The following SPEF2 variants were observed in gnomAD, a reference collection of about 807,000 sequenced individuals.
The protein encoded by SPEF2 is sperm flagellar and cilia associated 2, also known as sperm flagella and cilia-associated protein 2.
In SPEF2, 187 loss-of-function variants were observed where a neutral mutation model predicts 224.6. That is an observed-to-expected ratio of 0.83 (90% CI 0.74 to 0.94). The LOEUF (loss-of-function observed/expected upper bound fraction) is 0.94, where lower values mean the gene tolerates loss of function less well. Ranked by LOEUF, SPEF2 falls within the 40% of genes least tolerant of loss-of-function variation. The pLI, the probability that SPEF2 is intolerant of heterozygous loss-of-function variation, is 0.00. For missense variants in SPEF2, 2,170 were observed against 2,135.6 expected, an observed-to-expected ratio of 1.02 and a Z score of -0.32; for synonymous variants, 715 against 707.3, an observed-to-expected ratio of 1.01 and a Z score of -0.17.
intron 30 of SPEF2, among the ~76,000 whole-genome samples, chr5:35,779,930 T>C (rs756375585): frequency 6.6e-6 from 1 of 152,218 alleles, no homozygotes; most frequent in Non-Finnish European, 1.5e-5. Context: ...TGCACAGGCT[T>C]TTTTTATTCA....
intron 31 of SPEF2, 92 bp downstream of exon 31, chr5:35,792,538 T>C: frequency 1.0e-6 from 1 of 992,942 alleles, no homozygotes; most frequent in Non-Finnish European, 1.5e-6. Flanking sequence ...ACTTGCATAG[T>C]GTCTGACATT....
Position 35,649,286 on chromosome 5 carries a change from C to G in SPEF2, c.727-75C>G, listed in dbSNP as rs16902375. 62,217 of 1,252,086 alleles carry G rather than the reference C, an allele frequency of 0.05. 1,767 individuals are homozygous for G. The highest frequency in any genetic ancestry group is 0.061 in the African/African-American group (4,041 of 66,652). 77.6% of individuals were successfully genotyped at this position (1,252,086 alleles called of 1,614,324 possible). A position where few individuals can be genotyped will look rare whatever the true frequency, so the allele number is the denominator to read the frequency against. On this transcript the variant is annotated intron_variant, in intron 5 of 36. Transcript: ENST00000356031. Reference sequence around the variant, plus strand: ...TTAGTAGTACTTGTCACTTTATAAACTTGAATGAATGTGTAAATGAAGATT... The same window carrying G: ...TTAGTAGTACTTGTCACTTTATAAAGTTGAATGAATGTGTAAATGAAGATT...
At chr5:35,693,291 G>C (rs1399567051) in intron 12 of SPEF2, among the ~76,000 whole-genome samples, 1 of 152,158 alleles carries the variant, frequency 6.6e-6, no homozygotes, top group Non-Finnish European at 1.5e-5. Context: ...CAGAGGTAGA[G>C]GAGGACTCCT....
rs528870382 is a variant in SPEF2 at position 35,807,012 on chromosome 5, G to T, written c.5256+60G>T. 294 of 1,563,010 alleles carry T rather than the reference G, an allele frequency of 1.9e-4. 1 individual carries two copies. The highest frequency in any genetic ancestry group is 2.5e-4 in the Non-Finnish European group (287 of 1,159,798). On this transcript the variant is annotated intron_variant, in intron 35 of 36. Coordinates refer to ENST00000356031, the MANE Select transcript of SPEF2 (RefSeq NM_024867.4). ...ATTCTGAGCATATTTTTATGGAATT[G>T]CTCTCAAAATATATCATAGTATGAA...
At chr5:35,750,371 C>T (rs928482677) in intron 23 of SPEF2, among the ~76,000 whole-genome samples, 5 of 152,032 alleles carry the variant, frequency 3.3e-5, no homozygotes, top group African/African-American at 1.2e-4. Context: ...TTAAACCAAA[C>T]AACTTTTGCA....
At chr5:35,792,940 A>G (rs2361391) in intron 31 of SPEF2, among the ~76,000 whole-genome samples, 9,233 of 152,280 alleles carry the variant, frequency 0.061, 300 homozygotes, top group East Asian at 0.1. Flanking sequence ...GTAAGCAAAA[A>G]TCACAAATGT....
At chr5:35,736,514 A>G (rs1746623682) in intron 21 of SPEF2, among the ~76,000 whole-genome samples, 1 of 151,968 alleles carries the variant, frequency 6.6e-6, no homozygotes, top group Non-Finnish European at 1.5e-5. Flanking sequence ...AGGAACTGTC[A>G]AACACTTATA....
intron 20 of SPEF2, among the ~76,000 whole-genome samples, chr5:35,722,106 C>T (rs79990923): frequency 9.9e-5 from 15 of 150,882 alleles, no homozygotes; most frequent in Admixed American, 8.6e-4. Flanking sequence ...AAAAAAAAAA[C>T]AGTTTAAAAA....
chr5:35,622,111 G>A (rs1175702837), intron 1 of SPEF2, among the ~76,000 whole-genome samples: 2 of 152,118 alleles, frequency 1.3e-5, no homozygotes, highest in African/African-American at 4.8e-5. Flanking sequence ...ATATTTTTGT[G>A]AGTTTTAAGA....
intron 15 of SPEF2, chr5:35,698,476 T>TA (rs1408403565): frequency 6.6e-6 from 1 of 152,244 alleles, no homozygotes; most frequent in Non-Finnish European, 1.5e-5. Flanking sequence ...GAAGTGGCGA[T>TA]AAAGCATGTT....
At chr5:35,624,085 C>T (rs558067637) in intron 1 of SPEF2, among the ~76,000 whole-genome samples, 2 of 152,320 alleles carry the variant, frequency 1.3e-5, no homozygotes, top group South Asian at 4.1e-4. Flanking sequence ...ATGTGGATGG[C>T]TTTCTGTGCT....
chr5:35,672,482 G>A (rs114761906), intron 10 of SPEF2, among the ~76,000 whole-genome samples: 5,451 of 150,964 alleles, frequency 0.036, 140 homozygotes, highest in Non-Finnish European at 0.054. Context: ...GCATTGTTCC[G>A]CTGCCTGTTG....
chr5:35,796,609 C>CAAA (rs11411191), intron 33 of SPEF2, among the ~76,000 whole-genome samples: 2 of 144,290 alleles, frequency 1.4e-5, no homozygotes, highest in African/African-American at 2.5e-5. Flanking sequence ...GAGACTGTCT[C>CAAA]AAAAAAAAAA....
At chr5:35,774,174 G>A (rs770962616) in intron 28 of SPEF2, among the ~76,000 whole-genome samples, 153 bp downstream of exon 28, 1 of 152,154 alleles carries the variant, frequency 6.6e-6, no homozygotes, top group African/African-American at 2.4e-5. Flanking sequence ...GACTGTTTTC[G>A]TTTGACCACG....
chr5:35,697,544 T>C, intron 14 of SPEF2, 146 bp from the exon 15 acceptor site: 1 of 600,536 alleles, frequency 1.7e-6, no homozygotes. Context: ...CACATTTTCC[T>C]GAAATGCTTC....
intron 23 of SPEF2, among the ~76,000 whole-genome samples, chr5:35,749,610 C>CAA (rs201038681): frequency 6.6e-6 from 1 of 151,216 alleles, no homozygotes; most frequent in East Asian, 1.9e-4. Flanking sequence ...ACCATAGCTG[C>CAA]AAAAAAAATG....
intron 23 of SPEF2, among the ~76,000 whole-genome samples, chr5:35,745,794 C>T (rs908091763): frequency 6.6e-6 from 1 of 152,220 alleles, no homozygotes; most frequent in African/African-American, 2.4e-5. Flanking sequence ...CCCAGCCCAC[C>T]GCTGGTCCCT....
chr5:35,786,247 AG>A (rs1755097084), intron 30 of SPEF2, among the ~76,000 whole-genome samples: 1 of 152,248 alleles, frequency 6.6e-6, no homozygotes, highest in Admixed American at 6.5e-5. Context: ...TGCTTGAGTA[AG>A]AAAATGCAGG....
At chr5:35,751,946 G>C (rs1400707855) in intron 23 of SPEF2, among the ~76,000 whole-genome samples, 1 of 152,138 alleles carries the variant, frequency 6.6e-6, no homozygotes, top group African/African-American at 2.4e-5. Context: ...CAGTTTCGTG[G>C]AAGACAATTT....
Sources: gnomAD v4.1 joint callset for allele counts (sites outside exome capture counted in the v4.1 genomes callset) on GRCh38, gnomAD v4.1.1 for gene constraint, MANE v1.5 for transcripts, NCBI Gene and HGNC (gene_info 2026-07-23, HGNC 2026-07-21) for gene names.